The following ATP8B4 variants were observed in gnomAD, a reference collection of about 807,000 sequenced individuals.
ATP8B4 encodes the protein probable phospholipid-transporting ATPase IM.
A neutral mutation model predicts 145.6 loss-of-function variants in ATP8B4; 133 were observed. That is an observed-to-expected ratio of 0.91 (90% CI 0.79 to 1.05). The LOEUF (loss-of-function observed/expected upper bound fraction) is 1.05, where lower values mean the gene tolerates loss of function less well. ATP8B4 is among the 50% of genes least tolerant of loss of function. ATP8B4 has a pLI of 0.00. For missense variants in ATP8B4, 1,458 were observed against 1,425.2 expected (o/e 1.02, Z -0.37); for synonymous variants, 507 against 492.9 (o/e 1.03, Z -0.38).
At chr15:50,031,784 A>T (rs2050462392) in intron 6 of ATP8B4, among the ~76,000 whole-genome samples, 2 of 151,924 alleles carry the variant, frequency 1.3e-5, no homozygotes, top group African/African-American at 4.9e-5. Flanking sequence ...CATGCCTCTA[A>T]CCTGGAAGTA....
intron 1 of ATP8B4, among the ~76,000 whole-genome samples, chr15:50,173,430 C>T (rs1437789046): frequency 6.6e-6 from 1 of 151,970 alleles, no homozygotes; most frequent in African/African-American, 2.4e-5. Context: ...GTGCTGTGTC[C>T]ACTAAGGGTT....
Position 50,097,102 on chromosome 15 carries a change from G to A in ATP8B4, c.28+9837C>T, listed in dbSNP as rs1247997474. Reference sequence around the variant, plus strand: ...AACTAATTCCTTCAAAAGATCAACTGAAAATCTACTTGAGAAAACAGCTTT... The same window carrying A: ...AACTAATTCCTTCAAAAGATCAACTAAAAATCTACTTGAGAAAACAGCTTT... On this transcript the variant is annotated intron_variant, in intron 2 of 27. Transcript: ENST00000284509. Among the ~76,000 whole-genome samples, 9 of 152,084 alleles carry A rather than the reference G, an allele frequency of 5.9e-5. 1 individual carries two copies. The highest frequency in any genetic ancestry group is 5.9e-4 in the Admixed American group (9 of 15,260).
At chr15:50,075,913 C>A (rs919863188) in intron 2 of ATP8B4, among the ~76,000 whole-genome samples, 1 of 151,936 alleles carries the variant, frequency 6.6e-6, no homozygotes, top group African/African-American at 2.4e-5. Context: ...GACAGGAAAG[C>A]AAAAAAATGT....
intron 21 of ATP8B4, 67 bp downstream of exon 21, chr15:49,901,025 G>C: frequency 6.5e-7 from 1 of 1,545,946 alleles, no homozygotes; most frequent in Non-Finnish European, 8.8e-7. Context: ...GTCTCATTAT[G>C]ATAGCACAAA....
At chr15:50,055,321 T>C (rs1278021017) in intron 3 of ATP8B4, among the ~76,000 whole-genome samples, 1 of 152,246 alleles carries the variant, frequency 6.6e-6, no homozygotes, top group South Asian at 2.1e-4. Context: ...GTTTTTCTTT[T>C]ACTCTCAACC....
At chr15:49,954,234 A>G (rs1196449277) in intron 14 of ATP8B4, among the ~76,000 whole-genome samples, 1 of 152,122 alleles carries the variant, frequency 6.6e-6, no homozygotes, top group Non-Finnish European at 1.5e-5. Context: ...TGTGTGAGTC[A>G]ATTCTCCTTA....
intron 23 of ATP8B4, among the ~76,000 whole-genome samples, chr15:49,887,325 C>T (rs953475832): frequency 1.7e-4 from 26 of 151,948 alleles, no homozygotes; most frequent in Admixed American, 1.4e-3. Context: ...CAAGCATGCT[C>T]GGGCACTCTA....
intron 8 of ATP8B4, among the ~76,000 whole-genome samples, chr15:49,998,921 G>A (rs1379015090): frequency 2.6e-5 from 4 of 152,074 alleles, no homozygotes; most frequent in Non-Finnish European, 4.4e-5. Flanking sequence ...TTTGTATAAG[G>A]TGTAAGGAAG....
intron 2 of ATP8B4, among the ~76,000 whole-genome samples, chr15:50,096,257 C>T (rs927092272): frequency 1.4e-4 from 21 of 152,112 alleles, no homozygotes; most frequent in African/African-American, 3.6e-4. Flanking sequence ...GAGAGAATAG[C>T]CGCTCTCCCC....
chr15:50,084,730 G>A lies in ATP8B4; in HGVS notation c.29-10545C>T, dbSNP rs193137152. On this transcript the variant is annotated intron_variant, in intron 2 of 27. Transcript: ENST00000284509. ...TTCTAGAGATCCTAGGGAAGAATGTGTTTCTTGACTTTCCAGCTTCTAAAA... is the reference window on the plus strand; with the variant it reads ...TTCTAGAGATCCTAGGGAAGAATGTATTTCTTGACTTTCCAGCTTCTAAAA... Among the ~76,000 whole-genome samples, 87 of 152,276 alleles carry A rather than the reference G, an allele frequency of 5.7e-4. 1 individual carries two copies. In the South Asian group the frequency reaches 6.0e-3, roughly 11 times the overall value.
At chr15:49,974,143 C>T (rs1455171097) in intron 12 of ATP8B4, among the ~76,000 whole-genome samples, 4 of 144,630 alleles carry the variant, frequency 2.8e-5, no homozygotes, top group African/African-American at 1.0e-4. Context: ...AGTGCAACGG[C>T]GCAATCTCGG....
intron 2 of ATP8B4, among the ~76,000 whole-genome samples, chr15:50,076,810 T>G (rs1263411830): frequency 6.6e-6 from 1 of 152,238 alleles, no homozygotes; most frequent in Non-Finnish European, 1.5e-5. Context: ...TTCATTAAGT[T>G]CTGCAAAATA....
chr15:50,105,696 C>A (rs962479160), intron 2 of ATP8B4, among the ~76,000 whole-genome samples: 1 of 152,004 alleles, frequency 6.6e-6, no homozygotes, highest in East Asian at 1.9e-4. Flanking sequence ...ATGATTACAG[C>A]GACTTATGCT....
chr15:49,889,710 T>C (rs991500082), intron 23 of ATP8B4, among the ~76,000 whole-genome samples: 19 of 152,204 alleles, frequency 1.2e-4, no homozygotes, highest in African/African-American at 4.3e-4. Flanking sequence ...TCTCATCAGA[T>C]AATAATTGCC....
At chr15:49,891,720 A>G (rs887306496) in intron 23 of ATP8B4, among the ~76,000 whole-genome samples, 1 of 152,118 alleles carries the variant, frequency 6.6e-6, no homozygotes, top group Admixed American at 6.5e-5. Flanking sequence ...CCTTTTCATT[A>G]TTTTGTTTTC....
chr15:50,025,484 T>C (rs2049940473), intron 6 of ATP8B4, among the ~76,000 whole-genome samples: 1 of 152,220 alleles, frequency 6.6e-6, no homozygotes, highest in Non-Finnish European at 1.5e-5. Flanking sequence ...CACATGATTT[T>C]CCCTCTGGAA....
At chr15:50,008,861 A>C (rs926745063) in intron 7 of ATP8B4, among the ~76,000 whole-genome samples, 4 of 152,174 alleles carry the variant, frequency 2.6e-5, no homozygotes, top group Non-Finnish European at 5.9e-5. Flanking sequence ...GGCTCCTAAC[A>C]CTCATTGTTT....
intron 3 of ATP8B4, among the ~76,000 whole-genome samples, chr15:50,063,528 T>C (rs980673823): frequency 2.0e-5 from 3 of 152,110 alleles, no homozygotes; most frequent in African/African-American, 7.2e-5. Flanking sequence ...CAACAAGCCC[T>C]ATGACAAGCA....
intron 12 of ATP8B4, among the ~76,000 whole-genome samples, chr15:49,973,247 A>G (rs894236413): frequency 2.0e-5 from 3 of 152,184 alleles, no homozygotes; most frequent in Non-Finnish European, 2.9e-5. Flanking sequence ...TATTTCTATT[A>G]TAATACTGCA....
Sources: gnomAD v4.1 joint callset for allele counts (sites outside exome capture counted in the v4.1 genomes callset) on GRCh38, gnomAD v4.1.1 for gene constraint, MANE v1.5 for transcripts, NCBI Gene and HGNC (gene_info 2026-07-23, HGNC 2026-07-21) for gene names.